Variants in NDUFA12 observed in about 807,000 individuals in gnomAD.
NDUFA12 encodes the protein NADH dehydrogenase [ubiquinone] 1 alpha subcomplex subunit 12.
A neutral mutation model predicts 20.3 loss-of-function variants in NDUFA12; 17 were observed. The observed-to-expected ratio is 0.84, with a 90% CI of 0.57 to 1.26. The LOEUF (loss-of-function observed/expected upper bound fraction) is 1.26. Ranked by LOEUF, NDUFA12 falls within the 50% of genes most tolerant of loss-of-function variation. The pLI, the probability that NDUFA12 is intolerant of heterozygous loss-of-function variation, is 0.00. For missense variants in NDUFA12, 191 were observed against 183.7 expected (o/e 1.04, Z -0.23); for synonymous variants, 72 against 63.6 (o/e 1.13, Z -0.63).
At chr12:94,974,099 G>A (rs1179724465) in intron 3 of NDUFA12, among the ~76,000 whole-genome samples, 1 of 151,440 alleles carries the variant, frequency 6.6e-6, no homozygotes, top group Non-Finnish European at 1.5e-5. Flanking sequence ...AGCCTCCCGA[G>A]TAGCTGGGAT....
At chr12:94,972,224 G>A (rs373145252) in intron 3 of NDUFA12, among the ~76,000 whole-genome samples, 5 of 152,006 alleles carry the variant, frequency 3.3e-5, no homozygotes, top group African/African-American at 9.7e-5. Context: ...CACCATGCCC[G>A]GCCCATTACT....
intron 3 of NDUFA12, among the ~76,000 whole-genome samples, chr12:94,991,726 C>CAAA (rs367869799): frequency 0.35 from 39,299 of 112,178 alleles, 6,338 homozygotes; most frequent in East Asian, 0.42. Context: ...GACGCTATCT[C>CAAA]AAAAAAAAAA....
intron 3 of NDUFA12, among the ~76,000 whole-genome samples, chr12:94,980,586 TAA>T (rs11352462): frequency 2.7e-4 from 40 of 150,730 alleles, no homozygotes; most frequent in African/African-American, 3.9e-4. Flanking sequence ...TATTTTCTGT[TAA>T]AAAAAAAAAG....
At chr12:94,995,599 G>A (rs1015707477) in intron 2 of NDUFA12, among the ~76,000 whole-genome samples, 10 of 152,064 alleles carry the variant, frequency 6.6e-5, no homozygotes, top group Non-Finnish European at 1.5e-4. Flanking sequence ...GCGCGGCCTC[G>A]GCTCACTGCC....
intron 3 of NDUFA12, among the ~76,000 whole-genome samples, chr12:94,979,835 CAAA>C (rs35821688): frequency 4.4e-5 from 6 of 137,238 alleles, no homozygotes; most frequent in Non-Finnish European, 4.7e-5. Context: ...GACCCTGTCT[CAAA>C]AAAAAAAAAA....
intron 3 of NDUFA12, among the ~76,000 whole-genome samples, chr12:94,979,354 A>G (rs1427062054): frequency 6.6e-6 from 1 of 152,214 alleles, no homozygotes; most frequent in Non-Finnish European, 1.5e-5. Context: ...AATTGTTTCT[A>G]CCTCATATTA....
In NDUFA12 at chr12:94,971,350, A is replaced by T; in HGVS notation, c.*90T>A. 1 of 1,438,814 alleles carries T rather than the reference A, an allele frequency of 7.0e-7. No individual in the cohort carries two copies. The highest frequency in any genetic ancestry group is 9.8e-7 in the Non-Finnish European group (1 of 1,024,708). The allele number at this position is 1,438,814 out of a possible 1,614,324, so 89.1% of individuals were successfully genotyped here. A position where few individuals can be genotyped will look rare whatever the true frequency, so the allele number is the denominator to read the frequency against. On this transcript the variant is annotated 3_prime_UTR_variant, in exon 4 of 4. Transcript: ENST00000327772. ...AGACATTGTTTAGTCACACAATTTTAATTGTGAATTATAGTGAATGGTAAA... is the reference window on the plus strand; with the variant it reads ...AGACATTGTTTAGTCACACAATTTTTATTGTGAATTATAGTGAATGGTAAA...
intron 2 of NDUFA12, 135 bp downstream of exon 2, chr12:95,002,603 TC>T: frequency 1.4e-6 from 1 of 718,620 alleles, no homozygotes; most frequent in South Asian, 1.7e-5. Flanking sequence ...CTGTAAATTA[TC>T]TTTTTTCATT....
intron 2 of NDUFA12, among the ~76,000 whole-genome samples, chr12:95,000,470 T>C (rs139505666): frequency 2.6e-3 from 398 of 152,298 alleles, no homozygotes; most frequent in Admixed American, 5.7e-3. Flanking sequence ...AAACAAAAAA[T>C]GAATAGAATT....
intron 3 of NDUFA12, among the ~76,000 whole-genome samples, chr12:94,974,400 T>G (rs1304463884): frequency 6.6e-6 from 1 of 152,170 alleles, no homozygotes; most frequent in Non-Finnish European, 1.5e-5. Flanking sequence ...TTGGTGGGAA[T>G]GTAAGTTAGT....
chr12:95,003,448 C>T, intron 1 of NDUFA12, 147 bp downstream of exon 1: 2 of 849,402 alleles, frequency 2.4e-6, no homozygotes, highest in South Asian at 2.8e-5. Context: ...AGAGACCAGC[C>T]TGGGGGTGGC....
chr12:94,984,411 T>C (rs1417768193), intron 3 of NDUFA12, among the ~76,000 whole-genome samples: 2 of 151,672 alleles, frequency 1.3e-5, no homozygotes, highest in East Asian at 1.9e-4. Context: ...TCACCTGAGG[T>C]TGGGAGTTCA....
intron 3 of NDUFA12, among the ~76,000 whole-genome samples, chr12:94,990,271 G>GA (rs67946703): frequency 0.33 from 47,707 of 146,146 alleles, 7,946 homozygotes; most frequent in East Asian, 0.42. Context: ...ATAGAATGTG[G>GA]AAAAAAAAAA....
intron 3 of NDUFA12, among the ~76,000 whole-genome samples, chr12:94,972,689 C>A (rs1427900606): frequency 6.6e-6 from 1 of 152,068 alleles, no homozygotes; most frequent in African/African-American, 2.4e-5. Context: ...CATAGTGAGA[C>A]CCTGTCTTGA....
chr12:95,003,451 G>T, intron 1 of NDUFA12, 144 bp downstream of exon 1: 1 of 856,408 alleles, frequency 1.2e-6, no homozygotes. Flanking sequence ...GACCAGCCTG[G>T]GGGTGGCAAG....
At chr12:94,982,820 C>T (rs930433423) in intron 3 of NDUFA12, among the ~76,000 whole-genome samples, 2 of 152,046 alleles carry the variant, frequency 1.3e-5, no homozygotes, top group African/African-American at 2.4e-5. Flanking sequence ...AATCAGAGGT[C>T]GATTTTATAT....
intron 3 of NDUFA12, among the ~76,000 whole-genome samples, chr12:94,972,742 A>G (rs1254033596): frequency 6.6e-6 from 1 of 152,198 alleles, no homozygotes; most frequent in Admixed American, 6.5e-5. Flanking sequence ...TATTTCAGTC[A>G]TAAGTGCTTA....
intron 3 of NDUFA12, among the ~76,000 whole-genome samples, chr12:94,983,335 CA>C (rs1182995587): frequency 6.6e-6 from 1 of 152,158 alleles, no homozygotes; most frequent in East Asian, 1.9e-4. Flanking sequence ...AATAAATAGA[CA>C]ACTGAAGTAT....
chr12:95,000,856 T>C (rs1431825199), intron 2 of NDUFA12, among the ~76,000 whole-genome samples: 2 of 152,258 alleles, frequency 1.3e-5, no homozygotes, highest in Admixed American at 6.5e-5. Flanking sequence ...TAGGTTTATA[T>C]CATTCTTAAC....
Sources: allele counts gnomAD v4.1 joint callset (sites outside exome capture counted in the v4.1 genomes callset), GRCh38; gene constraint gnomAD v4.1.1; transcripts MANE v1.5; gene names NCBI Gene and HGNC (gene_info 2026-07-23, HGNC 2026-07-21).